Variants in ATXN1 observed in about 807,000 individuals in gnomAD.
The protein encoded by ATXN1 is ataxin-1.
In ATXN1, 8 loss-of-function variants were observed where a neutral mutation model predicts 56.4. The observed-to-expected ratio is 0.14, with a 90% confidence interval of 0.08 to 0.26. The LOEUF is 0.26. ATXN1 is among the 10% of genes least tolerant of loss of function. The pLI is 1.00. For missense variants in ATXN1, 987 were observed against 1,106.5 expected (o/e 0.89, Z 1.53); for synonymous variants, 514 against 494.6 (o/e 1.04, Z -0.52).
intron 6 of ATXN1, among the ~76,000 whole-genome samples, chr6:16,471,191 A>AACACACAC (rs5874560): frequency 1.5e-3 from 218 of 148,104 alleles, no homozygotes; most frequent in African/African-American, 3.3e-3. Flanking sequence ...TGGCAATTAA[A>AACACACAC]ACACACACAC....
intron 6 of ATXN1, among the ~76,000 whole-genome samples, chr6:16,404,424 TC>T (rs937651846): frequency 1.3e-5 from 2 of 152,180 alleles, no homozygotes; most frequent in Non-Finnish European, 2.9e-5. Flanking sequence ...CACCTTTCCC[TC>T]CCAGAGCCCC....
intron 4 of ATXN1, among the ~76,000 whole-genome samples, chr6:16,555,903 G>A (rs1762004570): frequency 6.6e-6 from 1 of 152,186 alleles, no homozygotes; most frequent in Admixed American, 6.5e-5. Context: ...GCCTGTCCTG[G>A]TATTTATTAC....
At chr6:16,386,724 A>G (rs544424901) in intron 6 of ATXN1, among the ~76,000 whole-genome samples, 1 of 152,338 alleles carries the variant, frequency 6.6e-6, no homozygotes, top group South Asian at 2.1e-4. Flanking sequence ...AGAAACGCAT[A>G]TTAGGACTAA....
At chr6:16,663,509 G>A (rs562003307) in intron 2 of ATXN1, among the ~76,000 whole-genome samples, 12 of 152,190 alleles carry the variant, frequency 7.9e-5, no homozygotes, top group African/African-American at 2.2e-4. Context: ...AGAAATTCTC[G>A]CTGCACTCCT....
chr6:16,754,401 T>C (rs1017061808), intron 1 of ATXN1, among the ~76,000 whole-genome samples: 1 of 152,288 alleles, frequency 6.6e-6, no homozygotes, highest in Non-Finnish European at 1.5e-5. Flanking sequence ...AGGTTTATAT[T>C]GGATGTCAGA....
intron 6 of ATXN1, among the ~76,000 whole-genome samples, chr6:16,417,502 G>C (rs112583508): frequency 2.7e-5 from 4 of 147,690 alleles, no homozygotes; most frequent in Admixed American, 1.3e-4. Context: ...GCAGTGGCAC[G>C]ATCTCGGCTC....
chr6:16,434,341 TG>T (rs1460081461), intron 6 of ATXN1, among the ~76,000 whole-genome samples: 2 of 152,224 alleles, frequency 1.3e-5, no homozygotes, highest in African/African-American at 4.8e-5. Context: ...CAGCCTCCGT[TG>T]GCATGGATGG....
rs765553402 is a variant in ATXN1 at position 16,354,904 on chromosome 6, C to A, written c.-160-26434G>T. On this transcript the variant is annotated intron_variant, in intron 6 of 7. Transcript: ENST00000436367. ...GTGGTCTTGTAGCCTATGGTCAGAG[C>A]ACAGAAAATACCTCCAGCATAGCTG... is the stretch of plus-strand genomic sequence containing the variant. Among the ~76,000 whole-genome samples, 6 of 152,236 alleles carry A rather than the reference C, an allele frequency of 3.9e-5. No individual in the cohort carries two copies. The South Asian group carries it at 8.3e-4, about 21-fold the overall frequency.
chr6:16,622,657 T>A (rs1318925432), intron 3 of ATXN1, among the ~76,000 whole-genome samples: 1 of 152,198 alleles, frequency 6.6e-6, no homozygotes, highest in Non-Finnish European at 1.5e-5. Flanking sequence ...TCTGCATGCA[T>A]GATTTCTTTT....
intron 4 of ATXN1, among the ~76,000 whole-genome samples, chr6:16,565,096 A>G (rs1023608242): frequency 2.6e-5 from 4 of 152,230 alleles, no homozygotes; most frequent in African/African-American, 9.6e-5. Context: ...TAGCTCCTGC[A>G]TTCTGTTTCC....
intron 2 of ATXN1, among the ~76,000 whole-genome samples, chr6:16,750,399 A>G (rs1760674569): frequency 1.3e-5 from 2 of 152,250 alleles, no homozygotes. Flanking sequence ...TAAAATAACT[A>G]GAACCAGAAA....
Position 16,306,915 on chromosome 6 carries a change from T to C in ATXN1, c.1918-56A>G, listed in dbSNP as rs1760266007. 6.6e-6 allele frequency: 10 copies of C among 1,512,026 alleles called. No individual in the cohort carries two copies. Among genetic ancestry groups the C allele is most frequent in the Non-Finnish European group, 8.8e-6 (10 of 1,129,960 alleles). 93.7% of individuals were successfully genotyped at this position (1,512,026 alleles called of 1,614,324 possible). On this transcript the variant is annotated intron_variant, in intron 7 of 7. Coordinates refer to ENST00000436367, the MANE Select transcript of ATXN1 (RefSeq NM_001128164.2). The surrounding 1 kb of genome is among the most constrained non-coding windows in gnomAD (Gnocchi z 5.2). The stretch of plus-strand genomic sequence containing the variant: ...AGAAGGAAGGGAACAAATGAAAACA[T>C]TTTATTCTTGTTTGATTTTATGCAC...
intron 2 of ATXN1, among the ~76,000 whole-genome samples, chr6:16,680,629 T>C (rs9396705): frequency 0.027 from 4,118 of 152,292 alleles, 75 homozygotes; most frequent in Non-Finnish European, 0.034. Flanking sequence ...GTTACTGTCC[T>C]ATGCTCCAAC....
At chr6:16,697,311 T>C (rs1759185214) in intron 2 of ATXN1, among the ~76,000 whole-genome samples, 1 of 152,198 alleles carries the variant, frequency 6.6e-6, no homozygotes, top group Non-Finnish European at 1.5e-5. Flanking sequence ...TAATTTCCAC[T>C]TCTTCAACTA....
At chr6:16,711,668 T>C (rs999968898) in intron 2 of ATXN1, among the ~76,000 whole-genome samples, 15 of 151,866 alleles carry the variant, frequency 9.9e-5, no homozygotes, top group African/African-American at 3.4e-4. Context: ...AGGCTGGAAG[T>C]GCAGTGGCAC....
intron 3 of ATXN1, among the ~76,000 whole-genome samples, chr6:16,595,533 T>A (rs1188073322): frequency 2.6e-5 from 4 of 152,364 alleles, no homozygotes; most frequent in African/African-American, 9.6e-5. Context: ...GAAGTTAATC[T>A]GGAGGGGAAC....
In ATXN1 at chr6:16,594,157, A is replaced by AATATAT. The variant is rs60089226; in HGVS notation, c.-488-8256_-488-8251dup. On this transcript the variant is annotated intron_variant, in intron 3 of 7. Coordinates refer to ENST00000436367, the MANE Select transcript of ATXN1 (RefSeq NM_001128164.2). ...TAGTCTAATTGTCATATATTAGACT[A>AATATAT]ATATATATATATATGTCTGTTGACG... Among the ~76,000 whole-genome samples, 56 of 147,032 alleles carry AATATAT rather than the reference A, an allele frequency of 3.8e-4. No homozygotes were observed. The East Asian group carries it at 8.5e-3, about 22-fold the overall frequency.
chr6:16,389,337 C>CA (rs950919034), intron 6 of ATXN1, among the ~76,000 whole-genome samples: 10,741 of 123,794 alleles, frequency 0.087, 347 homozygotes, highest in Non-Finnish European at 0.1. Context: ...ACTCCATCTC[C>CA]AAAAAAAAAG....
At chr6:16,335,859 G>A (rs1186958964) in intron 6 of ATXN1, among the ~76,000 whole-genome samples, 2 of 152,192 alleles carry the variant, frequency 1.3e-5, no homozygotes, top group African/African-American at 2.4e-5. Flanking sequence ...AGGATCACCC[G>A]AAGCTACTAG....
Sources: allele counts gnomAD v4.1 joint callset (sites outside exome capture counted in the v4.1 genomes callset), GRCh38; gene constraint gnomAD v4.1.1; non-coding constraint Gnocchi (gnomAD v3.1); transcripts MANE v1.5; gene names NCBI Gene and HGNC (gene_info 2026-07-23, HGNC 2026-07-21).